Variants in C19orf18 observed in about 807,000 individuals in gnomAD.
C19orf18 encodes chromosome 19 open reading frame 18.
C19orf18 carries 21 observed loss-of-function variants against 23.3 expected under a neutral mutation model. The observed-to-expected ratio is 0.90, with a 90% CI of 0.64 to 1.30. C19orf18 has a LOEUF of 1.30. Among genes scored for constraint, C19orf18 ranks in the 50% most tolerant of loss-of-function variants. The probability of loss-of-function intolerance (pLI) is 0.00; values close to 1 mark genes in which losing one functional copy is unlikely to be tolerated. For missense variants in C19orf18, 249 were observed against 259.6 expected, an observed-to-expected ratio of 0.96 and a Z score of 0.28; for synonymous variants, 96 against 95.2, an observed-to-expected ratio of 1.01 and a Z score of -0.05.
At chr19:57,960,993 C>T (rs921254526) in intron 5 of C19orf18, among the ~76,000 whole-genome samples, 1 of 152,002 alleles carries the variant, frequency 6.6e-6, no homozygotes, top group Non-Finnish European at 1.5e-5. Flanking sequence ...TCCTGGCACC[C>T]GAGCGTTGGT....
At chr19:57,963,247 T>G (rs2072885755) in intron 4 of C19orf18, among the ~76,000 whole-genome samples, 1 of 151,950 alleles carries the variant, frequency 6.6e-6, no homozygotes, top group African/African-American at 2.4e-5. Context: ...CAGGCTGGTC[T>G]CGAACTCCCA....
At chr19:57,959,441 G>A (rs541710312) in intron 5 of C19orf18, among the ~76,000 whole-genome samples, 1 of 139,192 alleles carries the variant, frequency 7.2e-6, no homozygotes, top group East Asian at 2.0e-4. Context: ...TGGCCAACAT[G>A]GTGAGACCCC....
In C19orf18 at chr19:57,966,615, G is replaced by C. The variant is rs760777736; in HGVS notation, c.286C>G (p.Pro96Ala). The change falls in exon 4 of 6, where the codon CCT (proline) becomes GCT (alanine). Residue 96 changes from proline (P) to alanine (A), a missense_variant. Coordinates refer to ENST00000314391, the MANE Select transcript of C19orf18 (RefSeq NM_152474.5). ...LRNKAIIRHR[P>A]ALVKVILISS... ...ATTAAAATTACTTTAACAAGAGCAG[G>C]TCTATGCCGAATTATTGCTAAAAAG... 1 of 1,611,446 alleles carries C rather than the reference G, an allele frequency of 6.2e-7. No homozygotes were observed. The highest frequency in any genetic ancestry group is 1.7e-5 in the Admixed American group (1 of 59,940).
chr19:57,961,891 T>G (rs1315011931), intron 4 of C19orf18, among the ~76,000 whole-genome samples: 1 of 147,028 alleles, frequency 6.8e-6, no homozygotes, highest in Non-Finnish European at 1.5e-5. Flanking sequence ...TTTTTCTTTC[T>G]CTTTTTTTTC....
At chr19:57,962,618 G>A (rs2072881466) in intron 4 of C19orf18, among the ~76,000 whole-genome samples, 1 of 152,184 alleles carries the variant, frequency 6.6e-6, no homozygotes, top group Non-Finnish European at 1.5e-5. Context: ...CACTTTGGTA[G>A]GCCGAGGCGG....
rs769451302 is a variant in C19orf18 at position 57,968,819 on chromosome 19, C to T, written c.269-2187G>A. Among the ~76,000 whole-genome samples the T allele has an allele frequency of 7.2e-4, 109 of 152,034 alleles. 1 individual carries two copies. Among genetic ancestry groups the T allele is most frequent in the Non-Finnish European group, 1.1e-3 (76 of 68,026 alleles). On this transcript the variant is annotated intron_variant, in intron 3 of 5. Coordinates refer to ENST00000314391, the MANE Select transcript of C19orf18 (RefSeq NM_152474.5). ...AGGGCTAGCTATTTCCTAGAGACAG[C>T]GAATAACTCCCCTACAAGCACATCT...
intron 3 of C19orf18, among the ~76,000 whole-genome samples, chr19:57,970,362 C>T (rs896524381): frequency 6.6e-6 from 1 of 152,154 alleles, no homozygotes; most frequent in African/African-American, 2.4e-5. Flanking sequence ...TGTTACAATC[C>T]TGCTACAATG....
Position 57,959,794 on chromosome 19 carries a change from C to CA in C19orf18, c.533-1078dup, listed in dbSNP as rs35485603. Among the ~76,000 whole-genome samples the CA allele has an allele frequency of 2.8e-3, 281 of 99,246 alleles. 7 individuals are homozygous for CA. The East Asian group carries it at 0.038, about 13-fold the overall frequency. The allele number at this position is 99,246 out of a possible 152,430, so 65.1% of individuals were successfully genotyped here. On this transcript the variant is annotated intron_variant, in intron 5 of 5. Coordinates refer to ENST00000314391, the MANE Select transcript of C19orf18 (RefSeq NM_152474.5). ...TGGGTGACGTAGTGAAACTCTGCCTCAAAAAAAAAAAAAAAAAGAAAAAAG... is the reference window on the plus strand; with the variant it reads ...TGGGTGACGTAGTGAAACTCTGCCTCAAAAAAAAAAAAAAAAAAGAAAAAAG...
In C19orf18 at chr19:57,974,494, CATCTGTCCTCT is replaced by C; in HGVS notation, c.-73_-63del. ...AAGGAAATACTTAGCTACAGTCCAG[CATCTGTCCTCT>C]ATTTATCTGAGGAATCAAGAAGTTC... On this transcript the variant is annotated 5_prime_UTR_variant, in exon 1 of 6. It adds an upstream start codon to the 5' untranslated region. Coordinates refer to ENST00000314391, the MANE Select transcript of C19orf18 (RefSeq NM_152474.5). The C allele has an allele frequency of 6.3e-7, 1 of 1,586,202 alleles. No individual in the cohort carries two copies. The highest frequency in any genetic ancestry group is 8.6e-7 in the Non-Finnish European group (1 of 1,161,816).
chr19:57,973,122 G>C (rs1044318745), intron 2 of C19orf18, among the ~76,000 whole-genome samples: 3 of 123,028 alleles, frequency 2.4e-5, no homozygotes, highest in Non-Finnish European at 4.8e-5. Context: ...ACTCCAGCTG[G>C]GTGACAGAGT....
chr19:57,969,973 C>T (rs2072934632), intron 3 of C19orf18, among the ~76,000 whole-genome samples: 1 of 151,938 alleles, frequency 6.6e-6, no homozygotes, highest in South Asian at 2.1e-4. Context: ...ACAAACAAGA[C>T]ATGAGATTAT....
At chr19:57,963,475 T>C (rs572191085) in intron 4 of C19orf18, among the ~76,000 whole-genome samples, 14 of 152,204 alleles carry the variant, frequency 9.2e-5, no homozygotes, top group African/African-American at 3.4e-4. Context: ...AAGGTGTGAG[T>C]CCCTATACAC....
intron 2 of C19orf18, among the ~76,000 whole-genome samples, chr19:57,973,741 A>G (rs1418173949): frequency 6.6e-6 from 1 of 151,796 alleles, no homozygotes; most frequent in African/African-American, 2.4e-5. Flanking sequence ...AAAAAAAAGA[A>G]AAAAAAGAAT....
At chr19:57,965,405 G>A (rs62126282) in intron 4 of C19orf18, among the ~76,000 whole-genome samples, 3,038 of 152,244 alleles carry the variant, frequency 0.02, 45 homozygotes, top group Non-Finnish European at 0.034. Context: ...AGAGTGCTGG[G>A]ATTACAGGCA....
At chr19:57,962,187 T>G (rs1021650251) in intron 4 of C19orf18, among the ~76,000 whole-genome samples, 1 of 151,916 alleles carries the variant, frequency 6.6e-6, no homozygotes, top group African/African-American at 2.4e-5. Context: ...CGTGGCACCA[T>G]GCCCGGCTAA....
In C19orf18 at chr19:57,974,317, A is replaced by G. The variant is rs1217120947; in HGVS notation, c.116T>C (p.Leu39Ser). ...GLHPTGNITGLPGSKRSQPPR... is the reference protein window; with the variant it reads ...GLHPTGNITGSPGSKRSQPPR... ...AAACCAGTGGTTGAAGCTACCTGGT[A>G]AGCCTGTTATGTTTCCAGTGGGATG... The change falls in exon 1 of 6, where the codon TTA (leucine) becomes TCA (serine). Residue 39 changes from leucine to serine, a missense_variant. Leu to Ser is a moderately radical substitution (Grantham distance 145, BLOSUM62 -2). Coordinates refer to ENST00000314391, the MANE Select transcript of C19orf18 (RefSeq NM_152474.5). 1.2e-6 allele frequency: 2 copies of G among 1,614,100 alleles called. No individual in the cohort carries two copies. The highest frequency in any genetic ancestry group is 1.6e-4 in the Middle Eastern group (1 of 6,084).
In C19orf18 at chr19:57,959,556, C is replaced by T. The variant is rs1025657750; in HGVS notation, c.533-839G>A. Among the ~76,000 whole-genome samples, 5 of 151,806 alleles carry T rather than the reference C, an allele frequency of 3.3e-5. No homozygotes were observed. In the East Asian group the frequency reaches 5.9e-4, roughly 18 times the overall value. ...ATGAGAATCACTTGAACCCAGGAGGCGGAGGTTACAGTGAACCAAGATCAC... is the reference window on the plus strand; with the variant it reads ...ATGAGAATCACTTGAACCCAGGAGGTGGAGGTTACAGTGAACCAAGATCAC... On this transcript the variant is annotated intron_variant, in intron 5 of 5. Coordinates refer to ENST00000314391, the MANE Select transcript of C19orf18 (RefSeq NM_152474.5).
At chr19:57,973,860 T>C (rs2072964135) in intron 2 of C19orf18, among the ~76,000 whole-genome samples, 1 of 151,850 alleles carries the variant, frequency 6.6e-6, no homozygotes, top group Non-Finnish European at 1.5e-5. Flanking sequence ...GGGATCAAGG[T>C]TTTTGTGTGC....
intron 3 of C19orf18, among the ~76,000 whole-genome samples, chr19:57,970,228 G>A (rs909473385): frequency 3.9e-5 from 6 of 152,142 alleles, no homozygotes; most frequent in Non-Finnish European, 8.8e-5. Flanking sequence ...AGATCAAGAG[G>A]TGCCAGCTGT....
Sources: allele counts gnomAD v4.1 joint callset (sites outside exome capture counted in the v4.1 genomes callset), GRCh38; gene constraint gnomAD v4.1.1; transcripts MANE v1.5; gene names NCBI Gene and HGNC (gene_info 2026-07-23, HGNC 2026-07-21).